The following SUSD1 variants were observed in gnomAD, a reference collection of about 807,000 sequenced individuals.
The protein encoded by SUSD1 is sushi domain containing 1.
In SUSD1, 65 loss-of-function variants were observed where a neutral mutation model predicts 86.9. The ratio of observed to expected loss-of-function variants is 0.75; its 90% confidence interval spans 0.61 to 0.92. The LOEUF (loss-of-function observed/expected upper bound fraction) is 0.92, where lower values mean the gene tolerates loss of function less well. Among genes scored for constraint, SUSD1 ranks in the 40% least tolerant of loss-of-function variants. The pLI is 0.00. For missense variants in SUSD1, 850 were observed against 929.7 expected, an observed-to-expected ratio of 0.91 and a Z score of 1.11; for synonymous variants, 346 against 350.0, an observed-to-expected ratio of 0.99 and a Z score of 0.13.
chr9:112,130,535 G>A (rs1589698012), intron 5 of SUSD1, among the ~76,000 whole-genome samples: 1 of 148,874 alleles, frequency 6.7e-6, no homozygotes, highest in Non-Finnish European at 1.5e-5. Context: ...GAAAAGAAAG[G>A]AAGGAAAGGA....
chr9:112,153,736 C>G (rs944953631), intron 2 of SUSD1, among the ~76,000 whole-genome samples: 3 of 151,742 alleles, frequency 2.0e-5, no homozygotes, highest in African/African-American at 7.3e-5. Context: ...GTCTCAGCCT[C>G]CTGAGTAGCT....
intron 15 of SUSD1, 99 bp from the exon 16 acceptor site, chr9:112,042,059 T>G (rs755342548): frequency 2.9e-5 from 45 of 1,554,732 alleles, no homozygotes; most frequent in Non-Finnish European, 3.6e-5. Context: ...AACCCAGAGC[T>G]TGGCCCCATT....
intron 8 of SUSD1, chr9:112,103,009 G>T: frequency 2.9e-6 from 1 of 343,264 alleles, no homozygotes. Context: ...ATAACAGAGA[G>T]TCAGGAATAA....
intron 7 of SUSD1, 102 bp downstream of exon 7, chr9:112,112,669 G>T: frequency 1.4e-6 from 1 of 730,904 alleles, no homozygotes; most frequent in East Asian, 2.7e-5. Context: ...AAAAAAAACA[G>T]CAATTAGATT....
intron 6 of SUSD1, among the ~76,000 whole-genome samples, chr9:112,114,515 C>T (rs911670987): frequency 5.3e-5 from 8 of 151,996 alleles, no homozygotes; most frequent in African/African-American, 1.7e-4. Flanking sequence ...AAACAAAATT[C>T]CTGCAGACAG....
rs760487709 is a variant in SUSD1 at position 112,058,344 on chromosome 9, T to C, written c.2109+84A>G. 310 of 1,499,442 alleles carry C rather than the reference T, an allele frequency of 2.1e-4. No individual in the cohort carries two copies. In the Middle Eastern group the frequency reaches 2.3e-3, roughly 11 times the overall value. 92.9% of individuals were successfully genotyped at this position (1,499,442 alleles called of 1,614,324 possible). On this transcript the variant is annotated intron_variant, in intron 14 of 16. Coordinates refer to ENST00000374270, the MANE Select transcript of SUSD1 (RefSeq NM_022486.5). ...TGTTACATGCAGTGACCCTCTCATATACTTGGAAAATAAATGTTCAAACAT... is the reference window on the plus strand; with the variant it reads ...TGTTACATGCAGTGACCCTCTCATACACTTGGAAAATAAATGTTCAAACAT...
intron 1 of SUSD1, among the ~76,000 whole-genome samples, chr9:112,163,243 C>T (rs1254846475): frequency 2.6e-5 from 4 of 152,060 alleles, no homozygotes; most frequent in Non-Finnish European, 1.5e-5. Context: ...GCAGCCTTGA[C>T]CTCCTGTGCT....
chr9:112,052,070 A>G (rs767041951), intron 15 of SUSD1: 4 of 1,162,482 alleles, frequency 3.4e-6, no homozygotes, highest in East Asian at 8.4e-5. Flanking sequence ...TCCCTCTCAC[A>G]TGTCCTACAG....
Position 112,175,165 on chromosome 9 carries a change from G to C in SUSD1, c.71C>G (p.Ala24Gly), listed in dbSNP as rs1834224357. The change falls in exon 1 of 17, where the codon GCC (alanine) becomes GGC (glycine). Residue 24 changes from alanine (A) to glycine (G), a missense_variant. Transcript: ENST00000374270. The surrounding 1 kb of genome is among the most constrained non-coding windows in gnomAD (Gnocchi z 4.7). ...LLPLLLLLGLARGAAGAPGPD... is the reference protein window; with the variant it reads ...LLPLLLLLGLGRGAAGAPGPD... Reference sequence around the variant, plus strand: ...GCCCGGCGCTCCCGCGGCGCCGCGGGCCAGGCCGAGCAGCAGCAACAGCGG... The same window carrying C: ...GCCCGGCGCTCCCGCGGCGCCGCGGCCCAGGCCGAGCAGCAGCAACAGCGG... The C allele has an allele frequency of 9.0e-7, 1 of 1,108,530 alleles. No homozygotes were observed. 68.7% of individuals were successfully genotyped at this position (1,108,530 alleles called of 1,614,324 possible).
chr9:112,169,035 T>C (rs776170651), intron 1 of SUSD1, among the ~76,000 whole-genome samples: 1 of 152,004 alleles, frequency 6.6e-6, no homozygotes, highest in Non-Finnish European at 1.5e-5. Context: ...ATTGCATTGC[T>C]CTTAAGAGAT....
intron 6 of SUSD1, among the ~76,000 whole-genome samples, chr9:112,122,774 C>T (rs1413981955): frequency 6.6e-6 from 1 of 152,148 alleles, no homozygotes; most frequent in Non-Finnish European, 1.5e-5. Flanking sequence ...ACATGGGATA[C>T]TCATATAATG....
intron 5 of SUSD1, among the ~76,000 whole-genome samples, chr9:112,125,175 G>A (rs989135208): frequency 2.9e-4 from 44 of 151,976 alleles, no homozygotes; most frequent in African/African-American, 8.9e-4. Flanking sequence ...AACAAATATC[G>A]TAAGAATAAG....
At chr9:112,138,399 T>G (rs1002327889) in intron 5 of SUSD1, among the ~76,000 whole-genome samples, 1 of 149,334 alleles carries the variant, frequency 6.7e-6, no homozygotes, top group Admixed American at 6.8e-5. Flanking sequence ...AAATTAAGAT[T>G]ATTATTCATA....
intron 6 of SUSD1, 91 bp downstream of exon 6, chr9:112,124,166 A>T: frequency 2.3e-6 from 3 of 1,322,900 alleles, no homozygotes; most frequent in African/African-American, 1.5e-5. Flanking sequence ...TACAGTATGT[A>T]GAGTGAAGCA....
At chr9:112,047,635 T>A (rs990279147) in intron 15 of SUSD1, among the ~76,000 whole-genome samples, 1 of 152,164 alleles carries the variant, frequency 6.6e-6, no homozygotes, top group African/African-American at 2.4e-5. Context: ...GGAGCCCTCA[T>A]GAACAGATTA....
intron 10 of SUSD1, among the ~76,000 whole-genome samples, chr9:112,080,426 G>A (rs925873998): frequency 9.9e-5 from 15 of 152,122 alleles, no homozygotes; most frequent in Admixed American, 3.3e-4. Flanking sequence ...AGTGGCTCAC[G>A]CCTGTAACCC....
chr9:112,105,434 G>A (rs184188603), intron 8 of SUSD1, among the ~76,000 whole-genome samples: 18 of 152,224 alleles, frequency 1.2e-4, no homozygotes, highest in Admixed American at 3.3e-4. Context: ...AAAACTCACA[G>A]GGGACCGGGC....
rs530467693 is a variant in SUSD1, at chr9:112,168,704, C to A, written c.103+6429G>T. Among the ~76,000 whole-genome samples the A allele has an allele frequency of 3.9e-5, 6 of 152,272 alleles. 1 individual carries two copies. In the South Asian group the frequency reaches 1.2e-3, roughly 32 times the overall value. On this transcript the variant is annotated intron_variant, in intron 1 of 16. Transcript: ENST00000374270. ...GCACAATGGCTCACACCTGTAATCCCAGCATTTTGGGAGATTGAGATGGGA... is the reference window on the plus strand; with the variant it reads ...GCACAATGGCTCACACCTGTAATCCAAGCATTTTGGGAGATTGAGATGGGA...
intron 8 of SUSD1, among the ~76,000 whole-genome samples, chr9:112,110,099 A>C (rs1466903235): frequency 2.0e-5 from 3 of 152,162 alleles, no homozygotes; most frequent in South Asian, 2.1e-4. Flanking sequence ...CTATAATCCC[A>C]GCACTTTGGG....
Sources: allele counts gnomAD v4.1 joint callset (sites outside exome capture counted in the v4.1 genomes callset), GRCh38; gene constraint gnomAD v4.1.1; non-coding constraint Gnocchi (gnomAD v3.1); transcripts MANE v1.5; gene names NCBI Gene and HGNC (gene_info 2026-07-23, HGNC 2026-07-21).